CUX1: variants seen among roughly 807,000 people sequenced by gnomAD.
CUX1 encodes the protein protein CASP.
Under a neutral mutation model 158.8 loss-of-function variants are expected in CUX1, and 31 were observed. The observed-to-expected ratio is 0.20, with a 90% CI of 0.15 to 0.26. The LOEUF (loss-of-function observed/expected upper bound fraction) is 0.26, where lower values mean the gene tolerates loss of function less well. Ranked by LOEUF, CUX1 falls within the 10% of genes least tolerant of loss-of-function variation. CUX1 has a pLI of 1.00. For synonymous variants in CUX1, 879 were observed against 862.1 expected, an observed-to-expected ratio of 1.02 and a Z score of -0.34; for missense variants, 1,589 against 2,014.6, an observed-to-expected ratio of 0.79 and a Z score of 4.04.
At chr7:101,824,253 T>C (rs1324166617) in intron 1 of CUX1, 1 of 152,216 alleles carries the variant, frequency 6.6e-6, no homozygotes, top group East Asian at 1.9e-4. Context: ...CACGCCCAGC[T>C]AATTTTTGTG....
At chr7:102,085,635 C>T (rs1313606676) in intron 4 of CUX1, among the ~76,000 whole-genome samples, 2 of 152,186 alleles carry the variant, frequency 1.3e-5, no homozygotes, top group Non-Finnish European at 2.9e-5. Context: ...GTCAAGTAAA[C>T]CTCTTTCCTT....
At chr7:102,012,985 C>T (rs1477156628) in intron 2 of CUX1, among the ~76,000 whole-genome samples, 5 of 152,060 alleles carry the variant, frequency 3.3e-5, no homozygotes, top group African/African-American at 1.2e-4. Flanking sequence ...GGGGAGAAAA[C>T]TTGTTCAGGT....
chr7:102,108,766 G>GTGTGTGTGTGTGTGTA (rs1402372187), intron 6 of CUX1, among the ~76,000 whole-genome samples: 5 of 151,702 alleles, frequency 3.3e-5, no homozygotes, highest in African/African-American at 1.2e-4. Context: ...GTGTGTGTGT[G>GTGTGTGTGTGTGTGTA]TGTGTTTTGA....
chr7:102,282,740 G>C (rs781799480), exon 22 of CUX1: 1 of 1,613,630 alleles, frequency 6.2e-7, no homozygotes, highest in Non-Finnish European at 8.5e-7. Context: ...TGGAGCGAGA[G>C]CATGGAGAGG....
At chr7:102,258,879 AG>A (rs1790168049), downstream of CUX1, among the ~76,000 whole-genome samples, 1 of 152,096 alleles carries the variant, frequency 6.6e-6, no homozygotes, top group Non-Finnish European at 1.5e-5. Flanking sequence ...TACTGAGAAG[AG>A]TCTCTTTCCA....
chr7:101,821,177 TG>T (rs1792434078), intron 1 of CUX1, among the ~76,000 whole-genome samples: 1 of 152,118 alleles, frequency 6.6e-6, no homozygotes, highest in Non-Finnish European at 1.5e-5. Context: ...TGATGAACCT[TG>T]ACTGACCAGA....
At chr7:101,905,765 G>A (rs1348960441) in intron 1 of CUX1, among the ~76,000 whole-genome samples, 3 of 152,280 alleles carry the variant, frequency 2.0e-5, no homozygotes, top group East Asian at 3.9e-4. Context: ...TCCTGAACAC[G>A]CAGTGTTTCT....
chr7:102,053,322 G>GTA lies in CUX1; in HGVS notation c.190-17007_190-17006dup, dbSNP rs557495068. ...AAATATTTTTAATTTTTGTGGGGATGTATATATATATTTATGGGGTGGAGC... is the reference window on the plus strand; with the variant it reads ...AAATATTTTTAATTTTTGTGGGGATGTATATATATATATTTATGGGGTGGAGC... On this transcript the variant is annotated intron_variant, in intron 3 of 23. Coordinates refer to ENST00000292535, the MANE Select transcript of CUX1 (RefSeq NM_181552.4). 4.0e-3 allele frequency among the ~76,000 whole-genome samples: 605 copies of GTA among 152,052 alleles called. 4 individuals carry two copies. The highest frequency in any genetic ancestry group is 6.5e-3 in the Non-Finnish European group (445 of 67,988).
At chr7:102,229,201 A>G (rs1798681143) in intron 21 of CUX1, among the ~76,000 whole-genome samples, 1 of 151,740 alleles carries the variant, frequency 6.6e-6, no homozygotes, top group South Asian at 2.1e-4. Context: ...TCGGCCTGGC[A>G]CATGCTCTAG....
At chr7:101,851,604 C>T (rs1403191499) in intron 1 of CUX1, among the ~76,000 whole-genome samples, 1 of 152,190 alleles carries the variant, frequency 6.6e-6, no homozygotes, top group Non-Finnish European at 1.5e-5. Flanking sequence ...TTTGGCTCCC[C>T]GTTTTCTAGC....
intron 8 of CUX1, among the ~76,000 whole-genome samples, chr7:102,129,063 G>A (rs1264115974): frequency 1.3e-5 from 2 of 152,132 alleles, no homozygotes; most frequent in African/African-American, 2.4e-5. Flanking sequence ...CTGCCTGCAA[G>A]GCACCTGGCA....
intron 1 of CUX1, among the ~76,000 whole-genome samples, chr7:101,912,901 C>T (rs1226617507): frequency 6.6e-6 from 1 of 152,192 alleles, no homozygotes; most frequent in Non-Finnish European, 1.5e-5. Context: ...CGCCTTCTCA[C>T]ACGTGACCCG....
At chr7:101,946,544 CA>C (rs386410843) in intron 2 of CUX1, among the ~76,000 whole-genome samples, 2,368 of 78,140 alleles carry the variant, frequency 0.03, 42 homozygotes, top group African/African-American at 0.12. Context: ...GACTCCGTCT[CA>C]AAAAAAAAAA....
chr7:102,243,720 G>A (rs1289523934), intron 23 of CUX1, among the ~76,000 whole-genome samples: 1 of 150,700 alleles, frequency 6.6e-6, no homozygotes, highest in Non-Finnish European at 1.5e-5. Flanking sequence ...TTAGCATGAA[G>A]TCGCTTGTCT....
chr7:102,096,684 C>T (rs1428968784), intron 4 of CUX1, among the ~76,000 whole-genome samples: 2 of 152,022 alleles, frequency 1.3e-5, no homozygotes, highest in Non-Finnish European at 2.9e-5. Flanking sequence ...CCAGCCTGGG[C>T]GACAGAGTGA....
chr7:102,020,220 T>G (rs1414442330), intron 2 of CUX1, among the ~76,000 whole-genome samples: 1 of 152,216 alleles, frequency 6.6e-6, no homozygotes, highest in Non-Finnish European at 1.5e-5. Context: ...AAAATTACCC[T>G]TTTCTATCAC....
chr7:101,878,713 C>A (rs10282645), intron 1 of CUX1, among the ~76,000 whole-genome samples: 34 of 152,152 alleles, frequency 2.2e-4, no homozygotes, highest in African/African-American at 8.0e-4. Flanking sequence ...TTCACTGTCG[C>A]CGAGGCTGAA....
At chr7:101,956,118 C>G (rs1350101273) in intron 2 of CUX1, among the ~76,000 whole-genome samples, 2 of 112,802 alleles carry the variant, frequency 1.8e-5, no homozygotes, top group African/African-American at 6.6e-5. Context: ...GGAGGTGGAG[C>G]TTGCAGTGAG....
chr7:101,908,135 T>C (rs1488086151), intron 1 of CUX1, among the ~76,000 whole-genome samples: 1 of 152,238 alleles, frequency 6.6e-6, no homozygotes, highest in Non-Finnish European at 1.5e-5. Flanking sequence ...TAGAACCTTC[T>C]ACAGAACCTT....
Sources: gnomAD v4.1 joint callset for allele counts (sites outside exome capture counted in the v4.1 genomes callset) on GRCh38, gnomAD v4.1.1 for gene constraint, MANE v1.5 for transcripts, NCBI Gene and HGNC (gene_info 2026-07-23, HGNC 2026-07-21) for gene names.